ADAM22: variants seen among roughly 807,000 people sequenced by gnomAD.
ADAM22 encodes the protein ADAM metallopeptidase domain 22.
In ADAM22, 65 loss-of-function variants were observed where a neutral mutation model predicts 144.6. That is an observed-to-expected ratio of 0.45 (90% CI 0.37 to 0.55). The LOEUF (loss-of-function observed/expected upper bound fraction) is 0.55. ADAM22 is among the 20% of genes least tolerant of loss of function. ADAM22 has a pLI of 0.00. For synonymous variants in ADAM22, 391 were observed against 412.6 expected (o/e 0.95, Z 0.63); for missense variants, 974 against 1,184.9 (o/e 0.82, Z 2.61).
chr7:87,936,871 T>G (rs6960461), intron 2 of ADAM22, among the ~76,000 whole-genome samples: 32,024 of 149,762 alleles, frequency 0.21, 3,696 homozygotes, highest in African/African-American at 0.28. Flanking sequence ...TATATATATA[T>G]AGAGAGAGAG....
intron 2 of ADAM22, among the ~76,000 whole-genome samples, chr7:87,942,092 C>T (rs540643468): frequency 1.3e-5 from 2 of 151,690 alleles, no homozygotes; most frequent in African/African-American, 4.8e-5. Flanking sequence ...GGATAAGCCC[C>T]AAAGGGAAAG....
chr7:88,093,378 T>C (rs1820444987), intron 4 of ADAM22, among the ~76,000 whole-genome samples: 1 of 152,092 alleles, frequency 6.6e-6, no homozygotes, highest in Non-Finnish European at 1.5e-5. Flanking sequence ...TTCCAGTGAA[T>C]AAGGTGTGGC....
intron 7 of ADAM22, among the ~76,000 whole-genome samples, chr7:88,121,228 C>T (rs1302317979): frequency 1.3e-5 from 2 of 152,014 alleles, no homozygotes; most frequent in Non-Finnish European, 2.9e-5. Context: ...CTGGGCCCTT[C>T]ACATTTCCCT....
chr7:88,043,446 C>T (rs112480220), intron 3 of ADAM22, among the ~76,000 whole-genome samples: 14 of 149,474 alleles, frequency 9.4e-5, no homozygotes, highest in African/African-American at 3.5e-4. Flanking sequence ...GATCGCGCCA[C>T]TGCACTCCAG....
intron 3 of ADAM22, among the ~76,000 whole-genome samples, chr7:88,031,860 G>T (rs1279740419): frequency 6.6e-6 from 1 of 152,236 alleles, no homozygotes; most frequent in African/African-American, 2.4e-5. Context: ...GTGGCTAAAA[G>T]GGCCCCAGAT....
intron 3 of ADAM22, among the ~76,000 whole-genome samples, chr7:88,008,337 T>C (rs1377762652): frequency 1.3e-5 from 2 of 150,312 alleles, no homozygotes; most frequent in African/African-American, 4.9e-5. Flanking sequence ...TGGAAGTCAG[T>C]GTGGCGATTC....
At chr7:88,191,351 A>C (rs1849587718) in intron 30 of ADAM22, among the ~76,000 whole-genome samples, 1 of 152,262 alleles carries the variant, frequency 6.6e-6, no homozygotes, top group East Asian at 1.9e-4. Flanking sequence ...TGGTGTGGAC[A>C]CACATGCTGC....
chr7:88,155,163 C>T (rs930739718), intron 21 of ADAM22, among the ~76,000 whole-genome samples: 7 of 151,694 alleles, frequency 4.6e-5, no homozygotes, highest in African/African-American at 1.2e-4. Context: ...AATTCTAGGG[C>T]AACAGGTTGA....
chr7:88,058,643 A>G (rs1369583424), intron 3 of ADAM22, among the ~76,000 whole-genome samples: 1 of 152,216 alleles, frequency 6.6e-6, no homozygotes, highest in Non-Finnish European at 1.5e-5. Flanking sequence ...TGCTTTCCTG[A>G]TGATCTAAAA....
At chr7:88,082,364 C>G (rs1025583283) in intron 4 of ADAM22, among the ~76,000 whole-genome samples, 5 of 151,986 alleles carry the variant, frequency 3.3e-5, no homozygotes, top group Admixed American at 1.3e-4. Flanking sequence ...TTAAATGTTA[C>G]ACCTAAAACC....
intron 5 of ADAM22, among the ~76,000 whole-genome samples, chr7:88,110,886 GT>G (rs1825856610): frequency 7.9e-6 from 1 of 125,896 alleles, no homozygotes; most frequent in Admixed American, 8.5e-5. Context: ...GGGATTACAG[GT>G]GGCTGCCAGC....
In ADAM22 at chr7:88,163,297, G is replaced by A; in HGVS notation, c.2076+117G>A. The A allele has an allele frequency of 8.6e-6, 7 of 813,452 alleles. No homozygotes were observed. In the South Asian group the frequency reaches 1.4e-4, roughly 16 times the overall value. The allele number at this position is 813,452 out of a possible 1,614,324, so 50.4% of individuals were successfully genotyped here. A position where few individuals can be genotyped will look rare whatever the true frequency, so the allele number is the denominator to read the frequency against. The stretch of plus-strand genomic sequence containing the variant: ...AAAATGATTTTTCATATTTCTAGTT[G>A]GTATATAAATACTAATTCAATTATA... On this transcript the variant is annotated intron_variant, in intron 23 of 31. Transcript: ENST00000413139.
In ADAM22 at chr7:88,182,025, G is replaced by A. The variant is rs1324933893; in HGVS notation, c.2663+1G>A. 1 of 1,613,352 alleles carries A rather than the reference G, an allele frequency of 6.2e-7. No homozygotes were observed. The highest frequency in any genetic ancestry group is 8.5e-7 in the Non-Finnish European group (1 of 1,179,580). ...TTAGACCTCGGTCTAATTCAACTGA[G>A]TAAGTCTGAACCTCTAATGGAAAAA... is the stretch of plus-strand genomic sequence containing the variant. On this transcript the variant is annotated splice_donor_variant, in intron 29 of 31. Transcript: ENST00000413139. LOFTEE classifies it high-confidence loss of function.
intron 3 of ADAM22, among the ~76,000 whole-genome samples, chr7:88,044,926 T>C (rs1804180023): frequency 6.6e-6 from 1 of 150,736 alleles, no homozygotes; most frequent in South Asian, 2.1e-4. Flanking sequence ...GGTTTCACCA[T>C]GTTGGCCAGG....
intron 3 of ADAM22, among the ~76,000 whole-genome samples, chr7:88,030,319 G>A (rs1799948389): frequency 6.6e-6 from 1 of 151,844 alleles, no homozygotes; most frequent in African/African-American, 2.4e-5. Flanking sequence ...ATTTCTGCTT[G>A]ATTTTTAAAA....
intron 4 of ADAM22, among the ~76,000 whole-genome samples, chr7:88,097,440 G>A (rs1821691967): frequency 6.6e-6 from 1 of 151,898 alleles, no homozygotes; most frequent in Non-Finnish European, 1.5e-5. Flanking sequence ...GAGCCTCTGT[G>A]CCTGGCTGCA....
chr7:88,061,983 A>G (rs1810014973), intron 3 of ADAM22, among the ~76,000 whole-genome samples: 1 of 151,938 alleles, frequency 6.6e-6, no homozygotes. Flanking sequence ...CTTGGACTAC[A>G]GGTGTGTACC....
chr7:87,955,383 G>A (rs1054088090), intron 2 of ADAM22, among the ~76,000 whole-genome samples: 4 of 152,196 alleles, frequency 2.6e-5, no homozygotes, highest in African/African-American at 9.7e-5. Context: ...GTCTGTTGGA[G>A]TTTGCTAGAG....
intron 3 of ADAM22, among the ~76,000 whole-genome samples, chr7:88,012,573 G>T (rs537708989): frequency 6.6e-6 from 1 of 152,244 alleles, no homozygotes; most frequent in Non-Finnish European, 1.5e-5. Context: ...AATTTTCCTT[G>T]TTGAGTTTGT....
Sources: allele counts gnomAD v4.1 joint callset (sites outside exome capture counted in the v4.1 genomes callset), GRCh38; gene constraint gnomAD v4.1.1; transcripts MANE v1.5; gene names NCBI Gene and HGNC (gene_info 2026-07-23, HGNC 2026-07-21).